GCSAML: variants seen among roughly 807,000 people sequenced by gnomAD.
GCSAML encodes the protein germinal center-associated signaling and motility-like protein.
A neutral mutation model predicts 13.0 loss-of-function variants in GCSAML; 9 were observed. The observed-to-expected ratio is 0.69, with a 90% CI of 0.42 to 1.21. GCSAML has a LOEUF of 1.21. GCSAML is among the 50% of genes most tolerant of loss of function. GCSAML has a pLI of 0.00. For missense variants in GCSAML, 143 were observed against 153.4 expected, an observed-to-expected ratio of 0.93 and a Z score of 0.36; for synonymous variants, 37 against 52.9, an observed-to-expected ratio of 0.70 and a Z score of 1.31.
chr1:247,573,557 C>A (rs7538640), intron 4 of GCSAML, among the ~76,000 whole-genome samples: 11,940 of 152,188 alleles, frequency 0.078, 642 homozygotes, highest in African/African-American at 0.15. Context: ...AACTGGGTAC[C>A]TCAGTTGGAA....
At chr1:247,536,758 AC>A (rs528166096) in intron 2 of GCSAML, among the ~76,000 whole-genome samples, 197 of 152,292 alleles carry the variant, frequency 1.3e-3, no homozygotes, top group African/African-American at 4.5e-3. Context: ...ATACTGCCAA[AC>A]TGCTTATGGA....
At position 247,576,677 on chromosome 1, in the gene GCSAML, C is replaced by T. The variant is rs1668847395; in HGVS notation, c.*2295C>T. The T allele has an allele frequency of 6.6e-6, 1 of 152,120 alleles. No homozygotes were observed. Among genetic ancestry groups the T allele is most frequent in the African/African-American group, 2.4e-5 (1 of 41,430 alleles). 9.4% of individuals were successfully genotyped at this position (152,120 alleles called of 1,614,324 possible). A position where few individuals can be genotyped will look rare whatever the true frequency, so the allele number is the denominator to read the frequency against. On this transcript the variant is annotated 3_prime_UTR_variant, in exon 5 of 5. Transcript: ENST00000366488. ...CTCCAGATAACTCATTTGCTGTATA[C>T]ACATTTTGCCTCTCTATTCAACGAA...
At chr1:247,556,858 G>T (rs1436117534) in intron 2 of GCSAML, among the ~76,000 whole-genome samples, 1 of 151,914 alleles carries the variant, frequency 6.6e-6, no homozygotes, top group Non-Finnish European at 1.5e-5. Context: ...ATTCTTCATT[G>T]CATTCAGAAT....
rs2141543 is a variant in GCSAML at position 247,527,018 on chromosome 1, C to T, written c.-184C>T. 0.27 allele frequency: 120,995 copies of T among 456,310 alleles called. 17,062 individuals carry two copies. Among genetic ancestry groups the T allele is most frequent in the Middle Eastern group, 0.36 (1,105 of 3,074 alleles). The allele number at this position is 456,310 out of a possible 1,614,324, so 28.3% of individuals were successfully genotyped here. On this transcript the variant is annotated 5_prime_UTR_variant, in exon 2 of 6. Transcript: ENST00000366489. The surrounding 1 kb of genome is among the most constrained non-coding windows in gnomAD (Gnocchi z 4.6). ...GTGGAGCCAGAAATTGTGTGGAATG[C>T]CTGGTGTTTCTTTCAGTTCTTGGAT...
At chr1:247,537,689 C>T (rs1193269564) in intron 2 of GCSAML, among the ~76,000 whole-genome samples, 1 of 151,980 alleles carries the variant, frequency 6.6e-6, no homozygotes, top group Admixed American at 6.6e-5. Context: ...CCTTTATGGC[C>T]ATCGTAGTGG....
intron 1 of GCSAML, among the ~76,000 whole-genome samples, chr1:247,522,366 T>C (rs1238086037): frequency 2.0e-5 from 3 of 151,640 alleles, no homozygotes; most frequent in Non-Finnish European, 4.4e-5. Flanking sequence ...CCGCCCCTTC[T>C]GGGAGGTGAG....
chr1:247,547,487 G>A (rs541358118), upstream of GCSAML, among the ~76,000 whole-genome samples: 3 of 152,318 alleles, frequency 2.0e-5, no homozygotes, highest in Admixed American at 6.5e-5. Context: ...AACTAACATG[G>A]AGCTACTTAC....
At chr1:247,563,111 G>A (rs927806032) in intron 2 of GCSAML, among the ~76,000 whole-genome samples, 1 of 150,846 alleles carries the variant, frequency 6.6e-6, no homozygotes, top group Non-Finnish European at 1.5e-5. Context: ...GCCTCCCAAA[G>A]TGCTGGGATC....
At chr1:247,520,601 C>T (rs548178675) in intron 1 of GCSAML, among the ~76,000 whole-genome samples, 11 of 152,234 alleles carry the variant, frequency 7.2e-5, no homozygotes, top group African/African-American at 2.6e-4. Flanking sequence ...GTACTACAAA[C>T]TTCCCAGAAG....
Position 247,565,979 on chromosome 1 carries a change from C to A in GCSAML, c.168+20C>A. 2.0e-6 allele frequency: 3 copies of A among 1,517,466 alleles called. No individual in the cohort carries two copies. The highest frequency in any genetic ancestry group is 1.4e-5 in the South Asian group (1 of 72,906). The allele number at this position is 1,517,466 out of a possible 1,614,324, so 94.0% of individuals were successfully genotyped here. A position where few individuals can be genotyped will look rare whatever the true frequency, so the allele number is the denominator to read the frequency against. The stretch of plus-strand genomic sequence containing the variant: ...AATCAGGTAAGTAGAAAACAAAAAG[C>A]AAGACAAAAGAAAAACACAAACTTT... On this transcript the variant is annotated intron_variant, in intron 4 of 4. Transcript: ENST00000366488.
intron 2 of GCSAML, among the ~76,000 whole-genome samples, chr1:247,540,188 C>T (rs1442189065): frequency 1.3e-5 from 2 of 152,174 alleles, no homozygotes; most frequent in East Asian, 1.9e-4. Flanking sequence ...TGTGCTACCA[C>T]GCCTGGGTAA....
intron 2 of GCSAML, among the ~76,000 whole-genome samples, chr1:247,540,593 C>T (rs1275848987): frequency 6.6e-6 from 1 of 152,166 alleles, no homozygotes; most frequent in South Asian, 2.1e-4. Flanking sequence ...CCCCAGTTTC[C>T]GAGCATGGGC....
At chr1:247,507,121 G>A (rs1261993173) in exon 1 of GCSAML, 1 of 152,188 alleles carries the variant, frequency 6.6e-6, no homozygotes, top group Non-Finnish European at 1.5e-5. Flanking sequence ...TTCTACAAGA[G>A]ACAATGACAA....
At position 247,527,295 on chromosome 1, in the gene GCSAML, AT is replaced by A; in HGVS notation, c.-148+242del. 1 of 306,506 alleles carries A rather than the reference AT, an allele frequency of 3.3e-6. No individual in the cohort carries two copies. 19.0% of individuals were successfully genotyped at this position (306,506 alleles called of 1,614,324 possible). On this transcript the variant is annotated intron_variant, in intron 2 of 5. Coordinates refer to the GCSAML transcript ENST00000366489. The surrounding 1 kb of genome is among the most constrained non-coding windows in gnomAD (Gnocchi z 4.6). ...TCTGGGAGGGTCTGCGTTGTCTGCT[AT>A]CCCCACATAAACTGATGAGGACCTG... is the stretch of plus-strand genomic sequence containing the variant.
upstream of GCSAML, among the ~76,000 whole-genome samples, chr1:247,546,509 C>A (rs1056937451): frequency 7.9e-5 from 12 of 152,144 alleles, no homozygotes; most frequent in African/African-American, 2.9e-4. Context: ...CAGGTGCCCG[C>A]CACCACGCCT....
chr1:247,571,519 A>G (rs966479392), intron 4 of GCSAML, among the ~76,000 whole-genome samples: 3 of 152,174 alleles, frequency 2.0e-5, no homozygotes, highest in Non-Finnish European at 2.9e-5. Context: ...AGAATGTTGA[A>G]TATTGGCCCC....
At chr1:247,556,725 ATGTTTGGTT>A in intron 2 of GCSAML, among the ~76,000 whole-genome samples, 1 of 152,102 alleles carries the variant, frequency 6.6e-6, no homozygotes, top group Non-Finnish European at 1.5e-5. Context: ...AGAATAAAGG[ATGTTTGGTT>A]TTGGTTGGTT....
At position 247,526,911 on chromosome 1, in the gene GCSAML, T is replaced by C. The variant is rs1387095225; in HGVS notation, c.-262-29T>C. ...AAGTAAGATGGGACTTCCCTCTATT[T>C]AGAAAGGTCTTCTTTCACTTTCTTT... On this transcript the variant is annotated intron_variant, in intron 1 of 5. Coordinates refer to the GCSAML transcript ENST00000366489. This position sits in a 1 kb window ranked among gnomAD's most constrained non-coding sequence, Gnocchi z 4.8. The C allele has an allele frequency of 6.6e-6, 3 of 454,576 alleles. No homozygotes were observed. Among genetic ancestry groups the C allele is most frequent in the Admixed American group, 2.4e-5 (1 of 42,260 alleles). 28.2% of individuals were successfully genotyped at this position (454,576 alleles called of 1,614,324 possible). A position where few individuals can be genotyped will look rare whatever the true frequency, so the allele number is the denominator to read the frequency against.
At chr1:247,566,040 G>GCTACTCTTGAATAA in intron 4 of GCSAML, 81 bp downstream of exon 4, 1 of 938,408 alleles carries the variant, frequency 1.1e-6, no homozygotes, top group Non-Finnish European at 1.6e-6. Flanking sequence ...AAATACAGAT[G>GCTACTCTTGAATAA]ATTTATTCAA....
Sources: gnomAD v4.1 joint callset for allele counts (sites outside exome capture counted in the v4.1 genomes callset) on GRCh38, gnomAD v4.1.1 for gene constraint, Gnocchi (gnomAD v3.1) non-coding constraint, MANE v1.5 for transcripts, NCBI Gene and HGNC (gene_info 2026-07-23, HGNC 2026-07-21) for gene names.